Variants in LIFR observed in about 807,000 individuals in gnomAD.
LIFR encodes leukemia inhibitory factor receptor.
Under a neutral mutation model 122.2 loss-of-function variants are expected in LIFR, and 84 were observed. That is an observed-to-expected ratio of 0.69 (90% CI 0.58 to 0.82). The LOEUF is 0.82. Ranked by LOEUF, LIFR falls within the 40% of genes least tolerant of loss-of-function variation. LIFR has a pLI of 0.00. For synonymous variants in LIFR, 422 were observed against 434.7 expected, an observed-to-expected ratio of 0.97 and a Z score of 0.36; for missense variants, 1,294 against 1,311.6, an observed-to-expected ratio of 0.99 and a Z score of 0.21.
At position 38,528,849 on chromosome 5, in the gene LIFR, GACACACAC is replaced by G. The variant is rs10637374; in HGVS notation, c.143-17_143-10del. On this transcript the variant is annotated splice_polypyrimidine_tract_variant and intron_variant, in intron 2 of 19. Coordinates refer to ENST00000453190, the MANE Select transcript of LIFR (RefSeq NM_001127671.2). ...CAAATCATGAGGAGCCCCTGGAGGA[GACACACAC>G]ACACACACACACACACACACAGACA... 164 of 921,540 alleles carry G rather than the reference GACACACAC, an allele frequency of 1.8e-4. No individual in the cohort carries two copies. The highest frequency in any genetic ancestry group is 1.5e-3 in the South Asian group (105 of 69,904). The allele number at this position is 921,540 out of a possible 1,614,324, so 57.1% of individuals were successfully genotyped here. A position where few individuals can be genotyped will look rare whatever the true frequency, so the allele number is the denominator to read the frequency against.
upstream of LIFR, among the ~76,000 whole-genome samples, chr5:38,559,434 T>C (rs770282923): frequency 1.3e-5 from 2 of 152,204 alleles, no homozygotes; most frequent in Non-Finnish European, 2.9e-5. Context: ...AATTAATCCA[T>C]ATGGACTCCT....
intron 7 of LIFR, among the ~76,000 whole-genome samples, chr5:38,507,971 T>G (rs1253495313): frequency 1.3e-5 from 2 of 152,142 alleles, no homozygotes; most frequent in Non-Finnish European, 2.9e-5. Flanking sequence ...AAAATTGTTT[T>G]AAATCTAAGG....
chr5:38,606,658 T>C lies in LIFR; in HGVS notation n.204-352A>G, dbSNP rs562750330. Among the ~76,000 whole-genome samples, 4 of 152,310 alleles carry C rather than the reference T, an allele frequency of 2.6e-5. No individual in the cohort carries two copies. The South Asian group carries it at 6.2e-4, about 24-fold the overall frequency. On this transcript the variant is annotated intron_variant and non_coding_transcript_variant, in intron 1 of 3. Transcript: ENST00000507786. ...AACTAGAAGGTGGGCATTATTTCCA[T>C]GTTTTATTGAGTAAACAGGCTCAGA...
At position 38,549,757 on chromosome 5, in the gene LIFR, C is replaced by T. The variant is rs894485997; in HGVS notation, c.-20+6577G>A. ...AGTGAGCTGAGACTGCGCCACTGCA[C>T]GCCAGCCAGGGCAACACAGCGAGAC... On this transcript the variant is annotated intron_variant, in intron 1 of 19. Transcript: ENST00000453190. Among the ~76,000 whole-genome samples the T allele has an allele frequency of 3.3e-5, 5 of 152,294 alleles. No individual in the cohort carries two copies. In the East Asian group the frequency reaches 5.8e-4, roughly 18 times the overall value.
At chr5:38,494,685 G>T (rs546685112) in intron 13 of LIFR, among the ~76,000 whole-genome samples, 1 of 152,164 alleles carries the variant, frequency 6.6e-6, no homozygotes, top group African/African-American at 2.4e-5. Context: ...GTATTTAAGG[G>T]TTCAGTAAAA....
In LIFR at chr5:38,551,634, AG is replaced by A. The variant is rs543254245; in HGVS notation, c.-20+4699del. On this transcript the variant is annotated intron_variant, in intron 1 of 19. Coordinates refer to ENST00000453190, the MANE Select transcript of LIFR (RefSeq NM_001127671.2). ...TGATATCACCGCCTTGTGGCCTCTA[AG>A]GATACTGCCGCTTAGTAATATAGCA... Among the ~76,000 whole-genome samples, 892 of 152,340 alleles carry A rather than the reference AG, an allele frequency of 5.9e-3. 12 individuals carry two copies. The highest frequency in any genetic ancestry group is 0.02 in the African/African-American group (841 of 41,576).
chr5:38,521,540 C>G (rs893641635), intron 5 of LIFR, among the ~76,000 whole-genome samples: 13 of 152,172 alleles, frequency 8.5e-5, no homozygotes, highest in African/African-American at 3.1e-4. Flanking sequence ...TCTTTGGACC[C>G]CAGGATGGCA....
At chr5:38,599,330 T>C (rs560864967), upstream of LIFR, among the ~76,000 whole-genome samples, 1 of 152,326 alleles carries the variant, frequency 6.6e-6, no homozygotes, top group South Asian at 2.1e-4. Context: ...GACCCCAAAC[T>C]GGACTTTCTG....
intron 5 of LIFR, among the ~76,000 whole-genome samples, chr5:38,515,481 G>A (rs1477647042): frequency 6.6e-6 from 1 of 152,092 alleles, no homozygotes; most frequent in Non-Finnish European, 1.5e-5. Flanking sequence ...TATAAGGAGT[G>A]TACAAAAAAT....
chr5:38,489,313 T>C, intron 15 of LIFR, 68 bp from the exon 16 acceptor site: 1 of 1,205,876 alleles, frequency 8.3e-7, no homozygotes, highest in Non-Finnish European at 1.2e-6. Flanking sequence ...TAATGTTTCC[T>C]GAGCTTTCTA....
chr5:38,492,296 C>T (rs143927042), intron 14 of LIFR, among the ~76,000 whole-genome samples: 97 of 152,272 alleles, frequency 6.4e-4, no homozygotes, highest in African/African-American at 2.1e-3. Flanking sequence ...ACAATCATCG[C>T]GGGGCAGCTT....
chr5:38,482,553 C>T, intron 19 of LIFR, 36 bp downstream of exon 19: 1 of 1,051,476 alleles, frequency 9.5e-7, no homozygotes, highest in African/African-American at 1.6e-5. Context: ...AAGAAGCCAG[C>T]ACATCAAAGA....
chr5:38,530,739 A>C, intron 1 of LIFR, 73 bp from the exon 2 acceptor site: 1 of 1,242,730 alleles, frequency 8.0e-7, no homozygotes, highest in Admixed American at 1.7e-5. Flanking sequence ...GCACACAAAC[A>C]CTCAAATAGA....
intron 1 of LIFR, 191 bp from the exon 2 acceptor site, chr5:38,530,857 G>A (rs559661954): frequency 1.0e-4 from 58 of 563,106 alleles, no homozygotes; most frequent in Non-Finnish European, 1.6e-4. Flanking sequence ...TGTTGCTTTA[G>A]GTATCTACTA....
intron 1 of LIFR, among the ~76,000 whole-genome samples, chr5:38,561,867 C>T (rs1445278250): frequency 1.3e-5 from 2 of 152,176 alleles, no homozygotes; most frequent in African/African-American, 2.4e-5. Flanking sequence ...ACCTCCTGTC[C>T]TCTATGACTT....
intron 14 of LIFR, 72 bp downstream of exon 14, chr5:38,493,534 G>T: frequency 7.2e-7 from 1 of 1,398,046 alleles, no homozygotes; most frequent in Non-Finnish European, 1.0e-6. Flanking sequence ...TCACTTCACT[G>T]CACCCAGTCT....
intron 1 of LIFR, among the ~76,000 whole-genome samples, chr5:38,554,779 A>G (rs936796424): frequency 2.6e-5 from 4 of 152,370 alleles, no homozygotes; most frequent in Non-Finnish European, 4.4e-5. Context: ...CGTATCTTTT[A>G]TATCTATTGA....
At chr5:38,494,750 A>G (rs1744789293) in intron 13 of LIFR, among the ~76,000 whole-genome samples, 1 of 152,198 alleles carries the variant, frequency 6.6e-6, no homozygotes, top group Non-Finnish European at 1.5e-5. Flanking sequence ...TTGTCGCAGG[A>G]GCCAGATGCT....
At chr5:38,542,920 C>T (rs1185913560) in intron 1 of LIFR, among the ~76,000 whole-genome samples, 1 of 145,794 alleles carries the variant, frequency 6.9e-6, no homozygotes, top group African/African-American at 2.8e-5. Flanking sequence ...TATTATATAG[C>T]AATGATTTAT....
Sources: gnomAD v4.1 joint callset for allele counts (sites outside exome capture counted in the v4.1 genomes callset) on GRCh38, gnomAD v4.1.1 for gene constraint, MANE v1.5 for transcripts, NCBI Gene and HGNC (gene_info 2026-07-23, HGNC 2026-07-21) for gene names.